UNC13C: variants seen among roughly 807,000 people sequenced by gnomAD.
UNC13C encodes unc-13 homolog C, also known as protein unc-13 homolog C.
Under a neutral mutation model 245.4 loss-of-function variants are expected in UNC13C, and 174 were observed. That is an observed-to-expected ratio of 0.71 (90% CI 0.63 to 0.80). The LOEUF is 0.80. Ranked by LOEUF, UNC13C falls within the 30% of genes least tolerant of loss-of-function variation. The probability of loss-of-function intolerance (pLI) is 0.00; values close to 1 mark genes in which losing one functional copy is unlikely to be tolerated. For synonymous variants in UNC13C, 992 were observed against 895.1 expected, an observed-to-expected ratio of 1.11 and a Z score of -1.93; for missense variants, 2,829 against 2,602.9, an observed-to-expected ratio of 1.09 and a Z score of -1.89.
At chr15:54,369,527 T>C (rs2039441530) in intron 17 of UNC13C, among the ~76,000 whole-genome samples, 1 of 152,144 alleles carries the variant, frequency 6.6e-6, no homozygotes, top group South Asian at 2.1e-4. Flanking sequence ...ATCTACCTAA[T>C]GAATTGATAA....
At chr15:54,321,915 C>G in intron 13 of UNC13C, 24 bp from the exon 14 acceptor site, 3 of 1,545,908 alleles carry the variant, frequency 1.9e-6, no homozygotes, top group Non-Finnish European at 2.6e-6. Flanking sequence ...GTCTTAAAAA[C>G]ACTTTATGTT....
intron 21 of UNC13C, among the ~76,000 whole-genome samples, 182 bp downstream of exon 21, chr15:54,500,357 T>TAA (rs35637614): frequency 0.11 from 15,227 of 144,148 alleles, 1,087 homozygotes; most frequent in African/African-American, 0.21. Flanking sequence ...CTACATTTAT[T>TAA]AAAAAAAAAA....
chr15:54,144,713 G>A (rs999637484), intron 4 of UNC13C, among the ~76,000 whole-genome samples: 1 of 152,040 alleles, frequency 6.6e-6, no homozygotes, highest in Admixed American at 6.6e-5. Context: ...TTGAAGTGAT[G>A]CAAATATTTG....
chr15:53,871,955 G>T, the UNC13C span, among the ~76,000 whole-genome samples: 2 of 152,186 alleles, frequency 1.3e-5, no homozygotes, highest in Admixed American at 6.6e-5. Context: ...TACAGTTGAT[G>T]GTGTTAGAAT....
At chr15:54,444,094 A>G (rs551766843) in intron 19 of UNC13C, among the ~76,000 whole-genome samples, 1 of 151,892 alleles carries the variant, frequency 6.6e-6, no homozygotes, top group Non-Finnish European at 1.5e-5. Flanking sequence ...TTACATATAT[A>G]TTTAGAACTG....
At chr15:54,400,389 G>C (rs530227743) in intron 18 of UNC13C, among the ~76,000 whole-genome samples, 2 of 151,824 alleles carry the variant, frequency 1.3e-5, no homozygotes, top group Admixed American at 6.6e-5. Flanking sequence ...TATTTATACC[G>C]TTGACTTCTG....
At chr15:54,180,527 T>C (rs552022620) in intron 4 of UNC13C, among the ~76,000 whole-genome samples, 1 of 152,194 alleles carries the variant, frequency 6.6e-6, no homozygotes, top group African/African-American at 2.4e-5. Flanking sequence ...AGTAATGGCA[T>C]TGCTGGGTCA....
At chr15:54,221,316 G>A (rs2035217833) in intron 4 of UNC13C, among the ~76,000 whole-genome samples, 1 of 151,762 alleles carries the variant, frequency 6.6e-6, no homozygotes. Flanking sequence ...AAAATCGTTA[G>A]GATAAATTGT....
chr15:54,297,927 GTAAA>G lies in UNC13C; in HGVS notation c.4104+7_4104+10del, dbSNP rs1567169124. The G allele has an allele frequency of 6.6e-7, 1 of 1,510,002 alleles. No homozygotes were observed. The highest frequency in any genetic ancestry group is 9.1e-7 in the Non-Finnish European group (1 of 1,103,366). The allele number at this position is 1,510,002 out of a possible 1,614,324, so 93.5% of individuals were successfully genotyped here. On this transcript the variant is annotated splice_donor_variant and splice_donor_5th_base_variant and intron_variant, in intron 12 of 32. Transcript: ENST00000260323. LOFTEE classifies it high-confidence loss of function. ...TATTCAATATACATGTTTACATGAGGTAAATAAATGGAATTTTACTAATACAAAA... is the reference window on the plus strand; with the variant it reads ...TATTCAATATACATGTTTACATGAGGTAAATGGAATTTTACTAATACAAAA...
At chr15:54,358,450 A>G (rs2039148363) in intron 17 of UNC13C, among the ~76,000 whole-genome samples, 1 of 152,102 alleles carries the variant, frequency 6.6e-6, no homozygotes, top group Non-Finnish European at 1.5e-5. Flanking sequence ...AGTGGACACA[A>G]GACACAAAAT....
At chr15:54,059,798 T>A (rs376128469) in intron 2 of UNC13C, among the ~76,000 whole-genome samples, 1 of 152,092 alleles carries the variant, frequency 6.6e-6, no homozygotes. Context: ...AACAGAGCCC[T>A]CAGAAATAAT....
intron 10 of UNC13C, among the ~76,000 whole-genome samples, chr15:54,287,527 T>C (rs1245922484): frequency 6.6e-6 from 1 of 152,198 alleles, no homozygotes; most frequent in African/African-American, 2.4e-5. Flanking sequence ...AACAAGAAGT[T>C]CAGATATAAG....
intron 11 of UNC13C, among the ~76,000 whole-genome samples, chr15:54,294,306 A>G (rs11635437): frequency 0.38 from 57,021 of 151,914 alleles, 11,059 homozygotes; most frequent in Middle Eastern, 0.43. Flanking sequence ...GATGTCTTTT[A>G]GAGAAAAATG....
intron 24 of UNC13C, among the ~76,000 whole-genome samples, chr15:54,519,766 T>A (rs1320456274): frequency 6.6e-6 from 1 of 152,156 alleles, no homozygotes; most frequent in African/African-American, 2.4e-5. Context: ...GTGTATTCTT[T>A]TACTTCTGAC....
the UNC13C span, chr15:53,911,503 G>C: frequency 6.6e-6 from 1 of 152,280 alleles, no homozygotes; most frequent in South Asian, 2.1e-4. Flanking sequence ...TGATTTGAGG[G>C]AAGTAGGTAA....
chr15:54,182,878 G>C (rs982577616), intron 4 of UNC13C, among the ~76,000 whole-genome samples: 3 of 151,906 alleles, frequency 2.0e-5, no homozygotes, highest in Admixed American at 1.3e-4. Flanking sequence ...ATGATATACA[G>C]CCTATAACAT....
At chr15:54,476,286 T>G (rs1892734194) in intron 19 of UNC13C, among the ~76,000 whole-genome samples, 1 of 145,298 alleles carries the variant, frequency 6.9e-6, no homozygotes, top group African/African-American at 2.6e-5. Flanking sequence ...GTAGTTTCTT[T>G]TGCTGTGCAG....
At chr15:54,428,515 G>C (rs1463298189) in intron 19 of UNC13C, among the ~76,000 whole-genome samples, 1 of 151,386 alleles carries the variant, frequency 6.6e-6, no homozygotes, top group African/African-American at 2.4e-5. Flanking sequence ...TTATAAAATA[G>C]GAAAGTAGAG....
chr15:54,543,714 G>A (rs1896352525), intron 26 of UNC13C, among the ~76,000 whole-genome samples: 1 of 151,968 alleles, frequency 6.6e-6, no homozygotes, highest in Non-Finnish European at 1.5e-5. Context: ...ATAAATTCCT[G>A]GACACATATA....
Sources: allele counts gnomAD v4.1 joint callset (sites outside exome capture counted in the v4.1 genomes callset), GRCh38; gene constraint gnomAD v4.1.1; transcripts MANE v1.5; gene names NCBI Gene and HGNC (gene_info 2026-07-23, HGNC 2026-07-21).